PITPNM2: variants seen among roughly 807,000 people sequenced by gnomAD.
The protein encoded by PITPNM2 is membrane-associated phosphatidylinositol transfer protein 2.
Under a neutral mutation model 132.2 loss-of-function variants are expected in PITPNM2, and 35 were observed. The ratio of observed to expected loss-of-function variants is 0.26; its 90% CI spans 0.20 to 0.35. PITPNM2 has a LOEUF of 0.35. Ranked by LOEUF, PITPNM2 falls within the 10% of genes least tolerant of loss-of-function variation. The probability of loss-of-function intolerance (pLI) is 1.00; values close to 1 mark genes in which losing one functional copy is unlikely to be tolerated. For synonymous variants in PITPNM2, 738 were observed against 799.2 expected (o/e 0.92, Z 1.29); for missense variants, 1,332 against 1,912.0 (o/e 0.70, Z 5.66).
chr12:123,115,531 A>G (rs1365844824), intron 1 of PITPNM2, among the ~76,000 whole-genome samples: 1 of 151,938 alleles, frequency 6.6e-6, no homozygotes, highest in Non-Finnish European at 1.5e-5. Context: ...AAAAAACCCA[A>G]TACGCGCCCG....
intron 1 of PITPNM2, among the ~76,000 whole-genome samples, chr12:123,144,837 T>C (rs981483035): frequency 6.6e-6 from 1 of 152,190 alleles, no homozygotes; most frequent in Non-Finnish European, 1.5e-5. Flanking sequence ...AGTGCTGGGA[T>C]TATAGGCATG....
intron 2 of PITPNM2, among the ~76,000 whole-genome samples, chr12:123,041,183 G>C (rs2040459791): frequency 6.6e-6 from 1 of 152,174 alleles, no homozygotes; most frequent in Non-Finnish European, 1.5e-5. Flanking sequence ...TGCCCAGCTG[G>C]GGTGTCTGTA....
Position 123,136,898 on chromosome 12 carries a change from A to T in PITPNM2, c.-200+13855T>A, listed in dbSNP as rs748958694. On this transcript the variant is annotated intron_variant, in intron 1 of 25. Coordinates refer to ENST00000320201, the MANE Select transcript of PITPNM2 (RefSeq NM_020845.3). ...ATAGAGCGAGACTCCGTCTCAAAAA[A>T]AATAATAATAATAATTAAGCCCCCT... Among the ~76,000 whole-genome samples the T allele has an allele frequency of 2.4e-4, 36 of 152,330 alleles. 1 individual carries two copies. The highest frequency in any genetic ancestry group is 4.1e-4 in the South Asian group (2 of 4,824).
chr12:123,004,362 G>A lies in PITPNM2; in HGVS notation c.1048+32C>T. ...ACCCCTCCCCACCTCGCCCAGGAAG[G>A]CCCCAAGGACTGCAGAGCGCTGCCT... is the stretch of plus-strand genomic sequence containing the variant. On this transcript the variant is annotated intron_variant, in intron 8 of 25. Coordinates refer to ENST00000320201, the MANE Select transcript of PITPNM2 (RefSeq NM_020845.3). The surrounding 1 kb of genome is among the most constrained non-coding windows in gnomAD (Gnocchi z 4.9). 2.5e-6 allele frequency: 4 copies of A among 1,607,488 alleles called. No individual in the cohort carries two copies. The highest frequency in any genetic ancestry group is 3.4e-6 in the Non-Finnish European group (4 of 1,174,732).
intron 1 of PITPNM2, among the ~76,000 whole-genome samples, chr12:123,119,885 C>T: frequency 6.6e-6 from 1 of 150,636 alleles, no homozygotes; most frequent in Admixed American, 6.6e-5. Flanking sequence ...CTGTTGGGAG[C>T]CCGTTCAAAA....
At position 122,994,709 on chromosome 12, in the gene PITPNM2, C is replaced by T. The variant is rs2038343864; in HGVS notation, c.2233+92G>A. On this transcript the variant is annotated intron_variant, in intron 15 of 25. Transcript: ENST00000320201. This position sits in a 1 kb window ranked among gnomAD's most constrained non-coding sequence, Gnocchi z 5.4. ...AAGGAGGGCAGAAACAGGCCTGGGACGTGGCCATGATCTCATCACAGGGGT... is the reference window on the plus strand; with the variant it reads ...AAGGAGGGCAGAAACAGGCCTGGGATGTGGCCATGATCTCATCACAGGGGT... 1.8e-5 allele frequency: 24 copies of T among 1,356,224 alleles called. No individual in the cohort carries two copies. Among genetic ancestry groups the T allele is most frequent in the East Asian group, 7.6e-5 (3 of 39,676 alleles). The allele number at this position is 1,356,224 out of a possible 1,614,324, so 84.0% of individuals were successfully genotyped here. A position where few individuals can be genotyped will look rare whatever the true frequency, so the allele number is the denominator to read the frequency against.
intron 2 of PITPNM2, among the ~76,000 whole-genome samples, chr12:123,044,719 G>T (rs1294445766): frequency 6.6e-6 from 1 of 152,196 alleles, no homozygotes; most frequent in Non-Finnish European, 1.5e-5. Context: ...CAGTGATTCA[G>T]TTCCTTCACT....
At chr12:123,087,853 A>C (rs981829159) in intron 2 of PITPNM2, 2 of 152,258 alleles carry the variant, frequency 1.3e-5, no homozygotes, top group African/African-American at 4.8e-5. Flanking sequence ...TGCTAGACTC[A>C]AGCAATCCTC....
rs1594126750 is a variant in PITPNM2, at chr12:122,995,061, C to T, written c.2055-82G>A. ...CGACACTGCTGGTGGCAGCAGGTCC[C>T]AACCTCTCTCGGGGGCCCACTGGCT... is the stretch of plus-strand genomic sequence containing the variant. On this transcript the variant is annotated intron_variant, in intron 14 of 25. Transcript: ENST00000320201. 5 of 1,414,186 alleles carry T rather than the reference C, an allele frequency of 3.5e-6. No individual in the cohort carries two copies. In the East Asian group the frequency reaches 7.5e-5, roughly 21 times the overall value. 87.6% of individuals were successfully genotyped at this position (1,414,186 alleles called of 1,614,324 possible). A position where few individuals can be genotyped will look rare whatever the true frequency, so the allele number is the denominator to read the frequency against.
At chr12:123,090,636 G>A (rs948967254) in intron 2 of PITPNM2, 2 of 152,206 alleles carry the variant, frequency 1.3e-5, no homozygotes, top group African/African-American at 2.4e-5. Flanking sequence ...GCCTCCCAAA[G>A]TGCTGGGATT....
At chr12:123,094,490 T>A (rs1446822553) in intron 2 of PITPNM2, among the ~76,000 whole-genome samples, 3 of 152,230 alleles carry the variant, frequency 2.0e-5, no homozygotes, top group Non-Finnish European at 4.4e-5. Flanking sequence ...CACAATGCCA[T>A]GGAAGTCTCC....
rs1324161203 is a variant in PITPNM2 at position 122,993,818 on chromosome 12, C to T, written c.2233+983G>A. Among the ~76,000 whole-genome samples, 1 of 152,108 alleles carries T rather than the reference C, an allele frequency of 6.6e-6. No individual in the cohort carries two copies. Among genetic ancestry groups the T allele is most frequent in the Non-Finnish European group, 1.5e-5 (1 of 68,022 alleles). On this transcript the variant is annotated intron_variant, in intron 15 of 25. Coordinates refer to ENST00000320201, the MANE Select transcript of PITPNM2 (RefSeq NM_020845.3). The surrounding 1 kb of genome is among the most constrained non-coding windows in gnomAD (Gnocchi z 5.2). ...TTTCTCTTCCTGGCAGTGCTGAAGT[C>T]GCCAGTTTATGGAAGGGGAAGGCAC...
chr12:122,999,494 G>C (rs891647379), intron 10 of PITPNM2, among the ~76,000 whole-genome samples: 1 of 152,196 alleles, frequency 6.6e-6, no homozygotes, highest in Non-Finnish European at 1.5e-5. Context: ...CAGCCTTCAC[G>C]ACAGGGAGGT....
intron 3 of PITPNM2, among the ~76,000 whole-genome samples, chr12:123,018,551 C>T (rs560058666): frequency 8.6e-5 from 13 of 151,800 alleles, no homozygotes; most frequent in East Asian, 3.9e-4. Flanking sequence ...CCGCCTGCCT[C>T]GGCCTCCCAA....
chr12:123,089,446 C>T (rs2042201479), intron 2 of PITPNM2: 1 of 152,214 alleles, frequency 6.6e-6, no homozygotes, highest in African/African-American at 2.4e-5. Flanking sequence ...CTTTATGCAG[C>T]TCAACTACTT....
chr12:123,129,524 T>A (rs922814453), intron 1 of PITPNM2, among the ~76,000 whole-genome samples: 1 of 149,066 alleles, frequency 6.7e-6, no homozygotes, highest in African/African-American at 2.5e-5. Flanking sequence ...GAGCCGAGAT[T>A]GCGCCACTGC....
chr12:123,107,341 T>C (rs776674205), intron 2 of PITPNM2, among the ~76,000 whole-genome samples: 23 of 152,142 alleles, frequency 1.5e-4, no homozygotes, highest in Non-Finnish European at 2.4e-4. Flanking sequence ...GCAAACATCT[T>C]CAACTGTGAG....
intron 3 of PITPNM2, among the ~76,000 whole-genome samples, chr12:123,016,508 G>A (rs1368542228): frequency 1.3e-5 from 2 of 151,676 alleles, no homozygotes; most frequent in Non-Finnish European, 2.9e-5. Context: ...GTAGAGATGG[G>A]GTTTTACCAT....
chr12:123,109,758 C>T (rs2042797475), intron 2 of PITPNM2, among the ~76,000 whole-genome samples: 1 of 152,172 alleles, frequency 6.6e-6, no homozygotes, highest in Admixed American at 6.5e-5. Flanking sequence ...AGAAAAGAGC[C>T]ACTCTGGGGT....
Sources: gnomAD v4.1 joint callset for allele counts (sites outside exome capture counted in the v4.1 genomes callset) on GRCh38, gnomAD v4.1.1 for gene constraint, Gnocchi (gnomAD v3.1) non-coding constraint, MANE v1.5 for transcripts, NCBI Gene and HGNC (gene_info 2026-07-23, HGNC 2026-07-21) for gene names.